PCDHA4: variants seen among roughly 807,000 people sequenced by gnomAD.
PCDHA4 encodes the protein protocadherin alpha 4.
In PCDHA4, 49 loss-of-function variants were observed where a neutral mutation model predicts 61.4. The ratio of observed to expected loss-of-function variants is 0.80; its 90% CI spans 0.63 to 1.01. The LOEUF (loss-of-function observed/expected upper bound fraction) is 1.01. Among genes scored for constraint, PCDHA4 ranks in the 50% least tolerant of loss-of-function variants. The pLI, the probability that PCDHA4 is intolerant of heterozygous loss-of-function variation, is 0.00. For missense variants in PCDHA4, 1,254 were observed against 1,235.8 expected (o/e 1.01, Z -0.22); for synonymous variants, 590 against 550.3 (o/e 1.07, Z -1.01).
In PCDHA4 at chr5:140,850,163, G is replaced by A; in HGVS notation, c.2385+40591G>A. ...ACGTGACGCTGCAGGTGTTCGTGCTGGACGAGAACGACAATGCGCCGGCGC... is the reference window on the plus strand; with the variant it reads ...ACGTGACGCTGCAGGTGTTCGTGCTAGACGAGAACGACAATGCGCCGGCGC... On this transcript the variant is annotated intron_variant, in intron 1 of 3. Coordinates refer to ENST00000530339, the MANE Select transcript of PCDHA4 (RefSeq NM_018907.4). 14 of 1,594,908 alleles carry A rather than the reference G, an allele frequency of 8.8e-6. 2 individuals are homozygous for A. The highest frequency in any genetic ancestry group is 1.2e-5 in the Non-Finnish European group (14 of 1,167,784).
intron 1 of PCDHA4, among the ~76,000 whole-genome samples, chr5:140,901,810 T>C (rs2068911855): frequency 6.6e-6 from 1 of 152,336 alleles, no homozygotes; most frequent in African/African-American, 2.4e-5. Flanking sequence ...ATTTTTACAA[T>C]ATTGATTCTT....
intron 1 of PCDHA4, among the ~76,000 whole-genome samples, chr5:140,971,541 G>A (rs544682624): frequency 6.6e-6 from 1 of 152,172 alleles, no homozygotes; most frequent in Non-Finnish European, 1.5e-5. Context: ...ATCATTGCCA[G>A]ATCAACCTGT....
intron 1 of PCDHA4, chr5:140,870,178 C>T (rs2051730547): frequency 2.5e-6 from 4 of 1,614,094 alleles, no homozygotes; most frequent in East Asian, 2.2e-5. Context: ...CCTCCCAGTA[C>T]GAGAGGACGC....
intron 1 of PCDHA4, chr5:140,875,653 C>T (rs1554167829): frequency 1.2e-6 from 2 of 1,613,682 alleles, no homozygotes; most frequent in East Asian, 2.2e-5. Context: ...GGAGCTGGTG[C>T]CGCGCCTGTT....
chr5:140,975,016 G>T (rs782435284), intron 1 of PCDHA4, among the ~76,000 whole-genome samples: 6 of 152,128 alleles, frequency 3.9e-5, no homozygotes, highest in Non-Finnish European at 8.8e-5. Context: ...AACACAGCTG[G>T]GCTGTGTTGT....
At chr5:141,007,145 A>C (rs528280563) in intron 3 of PCDHA4, among the ~76,000 whole-genome samples, 1 of 152,330 alleles carries the variant, frequency 6.6e-6, no homozygotes, top group Admixed American at 6.5e-5. Context: ...CTGACAAAGG[A>C]AACTGTCAAA....
chr5:140,816,230 T>C (rs2126670263), intron 1 of PCDHA4: 2 of 152,348 alleles, frequency 1.3e-5, no homozygotes, highest in South Asian at 4.1e-4. Flanking sequence ...GTCTGGATAA[T>C]TTCAAATGAT....
chr5:140,875,506 C>A, intron 1 of PCDHA4: 1 of 1,613,618 alleles, frequency 6.2e-7, no homozygotes, highest in Non-Finnish European at 8.5e-7. Flanking sequence ...CCCGGGATCC[C>A]AGCGTCTGCT....
intron 1 of PCDHA4, chr5:140,927,285 G>T: frequency 1.9e-6 from 3 of 1,614,154 alleles, no homozygotes; most frequent in Non-Finnish European, 2.5e-6. Context: ...ACGTGCAGCT[G>T]CACATCCCCG....
chr5:140,816,449 A>T (rs1233984451), intron 1 of PCDHA4: 1 of 152,008 alleles, frequency 6.6e-6, no homozygotes, highest in African/African-American at 2.4e-5. Context: ...TATTTTGAAT[A>T]CTTTGTCAAG....
At chr5:140,858,165 C>G in intron 1 of PCDHA4, 1 of 1,597,786 alleles carries the variant, frequency 6.3e-7, no homozygotes, top group Non-Finnish European at 8.6e-7. Flanking sequence ...TGCGCGGTGT[C>G]CAGCTTGCTG....
At chr5:140,840,905 T>C (rs1776936709) in intron 1 of PCDHA4, among the ~76,000 whole-genome samples, 1 of 151,998 alleles carries the variant, frequency 6.6e-6, no homozygotes, top group Non-Finnish European at 1.5e-5. Flanking sequence ...ATACAGGTCA[T>C]ACTTAAATTT....
At chr5:140,849,552 A>C (rs2150440271) in intron 1 of PCDHA4, 1 of 1,598,478 alleles carries the variant, frequency 6.3e-7, no homozygotes, top group South Asian at 1.1e-5. Context: ...GTTGACTATC[A>C]AAACGCTCTC....
At chr5:140,943,316 A>G (rs1326467105) in intron 1 of PCDHA4, among the ~76,000 whole-genome samples, 3 of 151,868 alleles carry the variant, frequency 2.0e-5, no homozygotes, top group African/African-American at 4.8e-5. Context: ...ATTATTAGCA[A>G]TATTGTGTAG....
At chr5:140,841,710 C>T (rs574481490) in intron 1 of PCDHA4, 1 of 1,613,856 alleles carries the variant, frequency 6.2e-7, no homozygotes, top group South Asian at 1.1e-5. Context: ...AATGACAACC[C>T]GCCAGTGTTC....
chr5:140,929,398 AG>A, intron 1 of PCDHA4: 1 of 1,510,096 alleles, frequency 6.6e-7, no homozygotes, highest in Non-Finnish European at 8.9e-7. Flanking sequence ...AATATTTCTT[AG>A]ACAAGCCTTT....
intron 1 of PCDHA4, among the ~76,000 whole-genome samples, chr5:140,971,573 CT>C (rs1203027280): frequency 6.6e-6 from 1 of 152,110 alleles, no homozygotes; most frequent in African/African-American, 2.4e-5. Flanking sequence ...GTTGGGCTTT[CT>C]TTTTTTCCTA....
chr5:140,875,419 G>A (rs782346114), intron 1 of PCDHA4: 51 of 1,516,154 alleles, frequency 3.4e-5, no homozygotes, highest in Admixed American at 4.8e-5. Context: ...AATACCTCAG[G>A]CAAGCGATCC....
chr5:140,869,555 G>A, intron 1 of PCDHA4: 1 of 1,614,172 alleles, frequency 6.2e-7, no homozygotes, highest in Non-Finnish European at 8.5e-7. Flanking sequence ...TCGGACTCGC[G>A]TTTTCCACTA....
Sources: allele counts gnomAD v4.1 joint callset (sites outside exome capture counted in the v4.1 genomes callset), GRCh38; gene constraint gnomAD v4.1.1; transcripts MANE v1.5; gene names NCBI Gene and HGNC (gene_info 2026-07-23, HGNC 2026-07-21).